SERPINA5: variants seen among roughly 807,000 people sequenced by gnomAD.
SERPINA5 encodes the protein serpin family A member 5, also known as plasma serine protease inhibitor.
SERPINA5 carries 25 observed loss-of-function variants against 25.3 expected under a neutral mutation model. That is an observed-to-expected ratio of 0.99 (90% CI 0.72 to 1.38). SERPINA5 has a LOEUF of 1.38. Among genes scored for constraint, SERPINA5 ranks in the 40% most tolerant of loss-of-function variants. The pLI, the probability that SERPINA5 is intolerant of heterozygous loss-of-function variation, is 0.00. For synonymous variants in SERPINA5, 234 were observed against 206.2 expected, an observed-to-expected ratio of 1.14 and a Z score of -1.16; for missense variants, 599 against 509.5, an observed-to-expected ratio of 1.18 and a Z score of -1.69.
intron 2 of SERPINA5, among the ~76,000 whole-genome samples, chr14:94,585,893 C>T (rs1057506444): frequency 6.6e-6 from 1 of 152,100 alleles, no homozygotes; most frequent in Non-Finnish European, 1.5e-5. Flanking sequence ...CTCACACTTC[C>T]ATAGCACGTG....
chr14:94,588,029 C>T, intron 3 of SERPINA5, 48 bp downstream of exon 3: 5 of 1,571,226 alleles, frequency 3.2e-6, no homozygotes, highest in Non-Finnish European at 4.3e-6. Context: ...TTTTCTGCTG[C>T]TTTTATCTAA....
chr14:94,591,332 A>G (rs1190329039), intron 5 of SERPINA5, among the ~76,000 whole-genome samples: 1 of 111,298 alleles, frequency 9.0e-6, no homozygotes, highest in Non-Finnish European at 1.8e-5. Context: ...ATTCCACTCC[A>G]TTCCACTCCT....
Position 94,593,046 on chromosome 14 carries a change from C to A in SERPINA5, c.*807C>A, listed in dbSNP as rs567688103. Reference sequence around the variant, plus strand: ...AAGCCTTTTGCAAATAGTAGAGTATCAGTTGCAGGTGCCAATGACTAACTT... The same window carrying A: ...AAGCCTTTTGCAAATAGTAGAGTATAAGTTGCAGGTGCCAATGACTAACTT... On this transcript the variant is annotated 3_prime_UTR_variant, in exon 6 of 6. Transcript: ENST00000329597. 6.6e-6 allele frequency: 1 copy of A among 152,128 alleles called. No individual in the cohort carries two copies. Among genetic ancestry groups the A allele is most frequent in the East Asian group, 1.9e-4 (1 of 5,186 alleles). 9.4% of individuals were successfully genotyped at this position (152,128 alleles called of 1,614,324 possible).
In SERPINA5 at chr14:94,590,906, G is replaced by A; in HGVS notation, c.1038+10G>A. 1 of 1,606,048 alleles carries A rather than the reference G, an allele frequency of 6.2e-7. No individual in the cohort carries two copies. The highest frequency in any genetic ancestry group is 1.1e-5 in the South Asian group (1 of 89,860). ...TATCCAGGTGTCTGAGGTGGGTTCA[G>A]AAGCTCCTATGCATCTGCTTCCCAA... On this transcript the variant is annotated intron_variant, in intron 5 of 5. Transcript: ENST00000329597.
intron 3 of SERPINA5, 139 bp downstream of exon 3, chr14:94,588,120 A>G (rs1885159202): frequency 9.1e-7 from 1 of 1,093,812 alleles, no homozygotes; most frequent in Non-Finnish European, 1.3e-6. Flanking sequence ...AAAATTAAGT[A>G]AACAAGCAGC....
At chr14:94,585,764 C>CGTGTGTGTGTGTGTGTGTGTGT (rs3138588) in intron 2 of SERPINA5, among the ~76,000 whole-genome samples, 1 of 145,774 alleles carries the variant, frequency 6.9e-6, no homozygotes. Context: ...CAGGCTCACA[C>CGTGTGTGTGTGTGTGTGTGTGT]GTGTGTGTGT....
At chr14:94,585,603 C>T (rs541611599) in intron 2 of SERPINA5, among the ~76,000 whole-genome samples, 1 of 152,166 alleles carries the variant, frequency 6.6e-6, no homozygotes, top group Non-Finnish European at 1.5e-5. Context: ...GCTGCCCCTG[C>T]CTGGTGGGGA....
In SERPINA5 at chr14:94,592,291, C is replaced by A; in HGVS notation, c.*52C>A. On this transcript the variant is annotated 3_prime_UTR_variant, in exon 6 of 6. Transcript: ENST00000329597. Reference sequence around the variant, plus strand: ...GCCTCAGGGTGGGAGATGAAGGGGGCTAAGCTATGGCCCATCTGTATGCTG... The same window carrying A: ...GCCTCAGGGTGGGAGATGAAGGGGGATAAGCTATGGCCCATCTGTATGCTG... 1 of 1,552,826 alleles carries A rather than the reference C, an allele frequency of 6.4e-7. No individual in the cohort carries two copies. The highest frequency in any genetic ancestry group is 8.8e-7 in the Non-Finnish European group (1 of 1,139,686).
chr14:94,585,967 C>G (rs566368438), intron 2 of SERPINA5, among the ~76,000 whole-genome samples: 1 of 152,244 alleles, frequency 6.6e-6, no homozygotes, highest in African/African-American at 2.4e-5. Flanking sequence ...GGAGCAGTGG[C>G]TCAAGGTGTA....
In SERPINA5 at chr14:94,590,299, T is replaced by C. The variant is rs1885236906; in HGVS notation, c.878T>C (p.Met293Thr). Residue 293 changes from methionine (M) to threonine (T), a missense_variant, in exon 4 of 6, where the codon ATG becomes ACG. Coordinates refer to ENST00000329597, the MANE Select transcript of SERPINA5 (RefSeq NM_000624.6). ...AAAACGCTGAGGAAGTGGCTTAAGA[T>C]GTTCAAAAAGAGGTACTTTCAGACT... ...SEKTLRKWLK[M>T]FKKRQLELYL... The C allele has an allele frequency of 6.3e-7, 1 of 1,598,676 alleles. No homozygotes were observed. The highest frequency in any genetic ancestry group is 8.5e-7 in the Non-Finnish European group (1 of 1,170,328).
Position 94,587,782 on chromosome 14 carries a change from C to T in SERPINA5, c.420C>T (p.Asp140=), listed in dbSNP as rs756770967. 9.3e-6 allele frequency: 15 copies of T among 1,614,076 alleles called. No homozygotes were observed. The highest frequency in any genetic ancestry group is 1.7e-5 in the Admixed American group (1 of 60,010). The change falls in exon 3 of 6, where the codon GAC becomes GAT. Residue 140 remains aspartate (D), a synonymous_variant. Transcript: ENST00000329597. ...CCCTTTTCACCGACCTGGTGGTAGA[C>T]CTGCAGGACACCTTCGTAAGTGCCA... ...GNALFTDLVV[D]LQDTFVSAMK... is the part of the protein sequence containing the mutation.
chr14:94,589,863 C>T, intron 3 of SERPINA5, among the ~76,000 whole-genome samples, 178 bp from the exon 4 acceptor site: 1 of 152,112 alleles, frequency 6.6e-6, no homozygotes, highest in East Asian at 1.9e-4. Context: ...AGAATGTGCC[C>T]AATGTTATAA....
intron 3 of SERPINA5, among the ~76,000 whole-genome samples, chr14:94,589,607 A>T (rs1206358352): frequency 6.6e-6 from 1 of 152,220 alleles, no homozygotes; most frequent in Non-Finnish European, 1.5e-5. Flanking sequence ...CATTTCCAGG[A>T]TCCATACTAA....
At chr14:94,590,995 A>ACCTCC in intron 5 of SERPINA5, 99 bp downstream of exon 5, 1 of 1,119,882 alleles carries the variant, frequency 8.9e-7, no homozygotes, top group Non-Finnish European at 1.2e-6. Flanking sequence ...CATTCCACTC[A>ACCTCC]ACTCCACTCC....
rs1885145674 is a variant in SERPINA5, at chr14:94,587,792, A to T, written c.430A>T (p.Thr144Ser). 1.2e-6 allele frequency: 2 copies of T among 1,614,018 alleles called. No homozygotes were observed. The highest frequency in any genetic ancestry group is 1.7e-6 in the Non-Finnish European group (2 of 1,180,044). The change falls in exon 3 of 6, where the codon ACC (threonine) becomes TCC (serine). Residue 144 changes from threonine (T) to serine (S), a missense_variant. Coordinates refer to ENST00000329597, the MANE Select transcript of SERPINA5 (RefSeq NM_000624.6). ...FTDLVVDLQD[T>S]FVSAMKTLYL... is the part of the protein sequence containing the mutation. ...CGACCTGGTGGTAGACCTGCAGGACACCTTCGTAAGTGCCATGAAGACGCT... is the reference window on the plus strand; with the variant it reads ...CGACCTGGTGGTAGACCTGCAGGACTCCTTCGTAAGTGCCATGAAGACGCT...
Position 94,587,386 on chromosome 14 carries a change from C to T in SERPINA5, c.24C>T (p.Cys8=). The change falls in exon 3 of 6, where the codon TGC becomes TGT. Residue 8 remains cysteine (C), a synonymous_variant. Transcript: ENST00000329597. MQLFLLL[C]LVLLSPQGAS... is the part of the protein sequence containing the mutation. ...CCATGCAGCTCTTCCTCCTCTTGTGCCTGGTGCTTCTCAGCCCTCAGGGGG... is the reference window on the plus strand; with the variant it reads ...CCATGCAGCTCTTCCTCCTCTTGTGTCTGGTGCTTCTCAGCCCTCAGGGGG... 4 of 1,611,070 alleles carry T rather than the reference C, an allele frequency of 2.5e-6. No individual in the cohort carries two copies. Among genetic ancestry groups the T allele is most frequent in the South Asian group, 2.2e-5 (2 of 90,650 alleles).
At chr14:94,590,473 G>A in intron 4 of SERPINA5, 162 bp downstream of exon 4, 1 of 992,712 alleles carries the variant, frequency 1.0e-6, no homozygotes. Flanking sequence ...TGGGGGCCTA[G>A]CCCAGTTGGA....
At position 94,592,038 on chromosome 14, in the gene SERPINA5, C is replaced by T. The variant is rs772461678; in HGVS notation, c.1039-19C>T. On this transcript the variant is annotated intron_variant, in intron 5 of 5. Coordinates refer to ENST00000329597, the MANE Select transcript of SERPINA5 (RefSeq NM_000624.6). ...ACCTGCCCCTAGTGGCCTGGTGATG[C>T]CTGGTGTCTCCCCTGCAGATGGTGC... 1.9e-6 allele frequency: 3 copies of T among 1,604,678 alleles called. No individual in the cohort carries two copies. The highest frequency in any genetic ancestry group is 2.2e-5 in the South Asian group (2 of 89,582).
intron 2 of SERPINA5, among the ~76,000 whole-genome samples, chr14:94,586,407 T>C (rs1225830907): frequency 6.6e-6 from 1 of 152,158 alleles, no homozygotes; most frequent in African/African-American, 2.4e-5. Flanking sequence ...CCAAGGCCCC[T>C]CTCCTTGGCT....
Sources: allele counts gnomAD v4.1 joint callset (sites outside exome capture counted in the v4.1 genomes callset), GRCh38; gene constraint gnomAD v4.1.1; transcripts MANE v1.5; gene names NCBI Gene and HGNC (gene_info 2026-07-23, HGNC 2026-07-21).